NDRG3: variants seen among roughly 807,000 people sequenced by gnomAD.
The protein encoded by NDRG3 is NDRG family member 3.
A neutral mutation model predicts 57.2 loss-of-function variants in NDRG3; 23 were observed. The ratio of observed to expected loss-of-function variants is 0.40; its 90% CI spans 0.29 to 0.57. The LOEUF (loss-of-function observed/expected upper bound fraction) is 0.57, where lower values mean the gene tolerates loss of function less well. Ranked by LOEUF, NDRG3 falls within the 20% of genes least tolerant of loss-of-function variation. The pLI, the probability that NDRG3 is intolerant of heterozygous loss-of-function variation, is 0.42. For missense variants in NDRG3, 384 were observed against 457.3 expected, an observed-to-expected ratio of 0.84 and a Z score of 1.46; for synonymous variants, 132 against 162.6, an observed-to-expected ratio of 0.81 and a Z score of 1.43.
intron 10 of NDRG3, 66 bp from the exon 11 acceptor site, chr20:36,665,367 G>A (rs1235723212): frequency 5.7e-6 from 8 of 1,413,694 alleles, no homozygotes; most frequent in Non-Finnish European, 8.0e-6. Flanking sequence ...GTTATTTTCT[G>A]GTCATAAACA....
intron 2 of NDRG3, among the ~76,000 whole-genome samples, chr20:36,709,035 T>G (rs1983719310): frequency 6.6e-6 from 1 of 151,988 alleles, no homozygotes; most frequent in Non-Finnish European, 1.5e-5. Flanking sequence ...TGAAACTGTC[T>G]CAAAAAAATT....
chr20:36,657,398 G>A (rs748671869), intron 13 of NDRG3, among the ~76,000 whole-genome samples: 1 of 150,942 alleles, frequency 6.6e-6, no homozygotes, highest in Non-Finnish European at 1.5e-5. Flanking sequence ...TGACACAGAA[G>A]AATCACTTGA....
At chr20:36,720,611 T>C (rs925639368) in intron 2 of NDRG3, among the ~76,000 whole-genome samples, 11 of 152,130 alleles carry the variant, frequency 7.2e-5, no homozygotes, top group Admixed American at 2.6e-4. Context: ...CCTGATGTCA[T>C]ATTGACAGAA....
In NDRG3 at chr20:36,682,566, G is replaced by A; in HGVS notation, c.396C>T (p.Ile132=). The A allele has an allele frequency of 6.2e-7, 1 of 1,614,010 alleles. No individual in the cohort carries two copies. The highest frequency in any genetic ancestry group is 8.5e-7 in the Non-Finnish European group (1 of 1,179,896). The change falls in exon 7 of 16, where the codon ATC becomes ATT. Residue 132 remains isoleucine (I), a synonymous_variant. Coordinates refer to ENST00000349004, the MANE Select transcript of NDRG3 (RefSeq NM_032013.4). The stretch of plus-strand genomic sequence containing the variant: ...CTCCAGCTCCAACTCCAATTCCAAT[G>A]ATGCTTTTCAGGCTGTGAATGGGAC... ...PVLTHLSLKS[I]IGIGVGAGAY... is the part of the protein sequence containing the mutation.
intron 2 of NDRG3, among the ~76,000 whole-genome samples, chr20:36,710,933 C>T (rs1427552343): frequency 6.7e-6 from 1 of 148,736 alleles, no homozygotes; most frequent in Non-Finnish European, 1.5e-5. Flanking sequence ...TGGGCTGAGA[C>T]GGCGCCACTG....
At chr20:36,743,896 A>C (rs1384673168) in intron 1 of NDRG3, among the ~76,000 whole-genome samples, 1 of 150,742 alleles carries the variant, frequency 6.6e-6, no homozygotes, top group African/African-American at 2.4e-5. Context: ...AAGTAACATA[A>C]ACAAGCTTTT....
chr20:36,713,310 C>T (rs1984033503), intron 2 of NDRG3, among the ~76,000 whole-genome samples: 1 of 151,844 alleles, frequency 6.6e-6, no homozygotes, highest in Admixed American at 6.6e-5. Flanking sequence ...GCTTAGTGGC[C>T]ATATGTAAAA....
At chr20:36,733,173 T>TAA in intron 1 of NDRG3, among the ~76,000 whole-genome samples, 1 of 26,274 alleles carries the variant, frequency 3.8e-5, no homozygotes, top group Middle Eastern at 0.029. Flanking sequence ...AAAAAAAAAA[T>TAA]ATATATATAT....
intron 8 of NDRG3, among the ~76,000 whole-genome samples, chr20:36,677,467 A>T (rs1229496722): frequency 6.6e-6 from 1 of 152,204 alleles, no homozygotes; most frequent in Non-Finnish European, 1.5e-5. Flanking sequence ...TCTGAGGTCC[A>T]TAAAAGCCTT....
chr20:36,682,662 T>G, intron 6 of NDRG3, 84 bp from the exon 7 acceptor site: 1 of 1,166,962 alleles, frequency 8.6e-7, no homozygotes, highest in Non-Finnish European at 1.3e-6. Flanking sequence ...CAACCTGGGT[T>G]GAAATCCTGG....
chr20:36,685,997 A>C (rs1425226850), intron 5 of NDRG3, among the ~76,000 whole-genome samples: 1 of 152,206 alleles, frequency 6.6e-6, no homozygotes, highest in Non-Finnish European at 1.5e-5. Flanking sequence ...GAAACAAAGC[A>C]CTATCCTATC....
chr20:36,724,730 C>A (rs1056303924), intron 1 of NDRG3, among the ~76,000 whole-genome samples: 1 of 151,774 alleles, frequency 6.6e-6, no homozygotes, highest in Non-Finnish European at 1.5e-5. Context: ...GAGTTCGAGA[C>A]CAGCCTGGTC....
intron 3 of NDRG3, among the ~76,000 whole-genome samples, chr20:36,691,147 A>G (rs1310801349): frequency 6.6e-6 from 1 of 152,242 alleles, no homozygotes; most frequent in Non-Finnish European, 1.5e-5. Flanking sequence ...CTTCCAGTTT[A>G]ATTTCCTATC....
intron 1 of NDRG3, among the ~76,000 whole-genome samples, chr20:36,737,212 G>A (rs576945802): frequency 4.9e-4 from 74 of 152,182 alleles, no homozygotes; most frequent in Admixed American, 1.0e-3. Flanking sequence ...ATCGGCCAGC[G>A]GAAGTTTTAA....
chr20:36,724,406 T>C (rs1313408317), intron 1 of NDRG3, among the ~76,000 whole-genome samples: 2 of 152,190 alleles, frequency 1.3e-5, no homozygotes, highest in Non-Finnish European at 2.9e-5. Flanking sequence ...AGTTGAATCT[T>C]TTTTTGTTTT....
intron 6 of NDRG3, 120 bp downstream of exon 6, chr20:36,684,293 A>G (rs1315570743): frequency 5.3e-6 from 4 of 756,930 alleles, no homozygotes; most frequent in Non-Finnish European, 6.7e-6. Flanking sequence ...TTACCCCACT[A>G]AGCTCTAGGA....
intron 1 of NDRG3, among the ~76,000 whole-genome samples, chr20:36,735,303 T>C (rs903439316): frequency 1.3e-5 from 2 of 152,318 alleles, no homozygotes; most frequent in South Asian, 2.1e-4. Context: ...TAAATGCTCA[T>C]TGGAGCACTC....
At chr20:36,745,834 G>T (rs1184114214) in intron 1 of NDRG3, among the ~76,000 whole-genome samples, 2 of 151,552 alleles carry the variant, frequency 1.3e-5, no homozygotes, top group African/African-American at 4.8e-5. Flanking sequence ...TGGGCGCGGG[G>T]AGCGGCCGAG....
At chr20:36,697,715 A>G (rs1326008880) in intron 3 of NDRG3, among the ~76,000 whole-genome samples, 1 of 152,128 alleles carries the variant, frequency 6.6e-6, no homozygotes, top group African/African-American at 2.4e-5. Flanking sequence ...TCTCAAAAAA[A>G]AAAAAAAAAG....
Sources: gnomAD v4.1 joint callset for allele counts (sites outside exome capture counted in the v4.1 genomes callset) on GRCh38, gnomAD v4.1.1 for gene constraint, MANE v1.5 for transcripts, NCBI Gene and HGNC (gene_info 2026-07-23, HGNC 2026-07-21) for gene names.